Variants in PKP4 observed in about 807,000 individuals in gnomAD.
PKP4 encodes plakophilin-4.
In PKP4, 90 loss-of-function variants were observed where a neutral mutation model predicts 145.1. That is an observed-to-expected ratio of 0.62 (90% CI 0.52 to 0.74). The LOEUF (loss-of-function observed/expected upper bound fraction) is 0.74, where lower values mean the gene tolerates loss of function less well. Among genes scored for constraint, PKP4 ranks in the 30% least tolerant of loss-of-function variants. The pLI, the probability that PKP4 is intolerant of heterozygous loss-of-function variation, is 0.00. For missense variants in PKP4, 1,340 were observed against 1,482.7 expected, an observed-to-expected ratio of 0.90 and a Z score of 1.58; for synonymous variants, 563 against 577.2, an observed-to-expected ratio of 0.98 and a Z score of 0.35.
chr2:158,680,272 A>G (rs2058352414), intron 21 of PKP4, among the ~76,000 whole-genome samples, 157 bp from the exon 22 acceptor site: 1 of 152,252 alleles, frequency 6.6e-6, no homozygotes, highest in African/African-American at 2.4e-5. Context: ...GTCCAATAGT[A>G]AACGCATAGT....
chr2:158,543,694 A>C (rs1370026311), intron 2 of PKP4, among the ~76,000 whole-genome samples: 1 of 152,234 alleles, frequency 6.6e-6, no homozygotes, highest in Non-Finnish European at 1.5e-5. Flanking sequence ...CTCTTTACTC[A>C]AAGATGAGAG....
chr2:158,502,888 A>G (rs1252618331), intron 1 of PKP4, among the ~76,000 whole-genome samples: 2 of 152,268 alleles, frequency 1.3e-5, no homozygotes, highest in Non-Finnish European at 2.9e-5. Context: ...TCTCTGTTTT[A>G]AAATAAACTT....
intron 2 of PKP4, among the ~76,000 whole-genome samples, chr2:158,564,147 T>C (rs2046774941): frequency 6.6e-6 from 1 of 151,834 alleles, no homozygotes; most frequent in Non-Finnish European, 1.5e-5. Flanking sequence ...TAATGTAATA[T>C]AAAAGTATAA....
chr2:158,622,692 T>C (rs1314975909), intron 6 of PKP4, among the ~76,000 whole-genome samples: 2 of 152,084 alleles, frequency 1.3e-5, no homozygotes, highest in African/African-American at 4.8e-5. Flanking sequence ...AACACAAATA[T>C]AACATATGAA....
At chr2:158,512,708 T>C (rs2041621250) in intron 1 of PKP4, among the ~76,000 whole-genome samples, 1 of 152,218 alleles carries the variant, frequency 6.6e-6, no homozygotes, top group Non-Finnish European at 1.5e-5. Context: ...GCTAGCTTAT[T>C]GTCTGTGGAG....
intron 2 of PKP4, among the ~76,000 whole-genome samples, chr2:158,550,038 A>T (rs995117429): frequency 6.5e-5 from 7 of 108,122 alleles, no homozygotes; most frequent in Non-Finnish European, 1.8e-4. Context: ...CACAGACGGA[A>T]GATCAAAATC....
At chr2:158,533,657 A>C in intron 2 of PKP4, 1 of 365,214 alleles carries the variant, frequency 2.7e-6, no homozygotes, top group South Asian at 2.2e-5. Flanking sequence ...GACTCTGGCA[A>C]CCTGAGGCCT....
chr2:158,473,183 AAAG>A (rs1691872118), intron 1 of PKP4, among the ~76,000 whole-genome samples: 1 of 152,234 alleles, frequency 6.6e-6, no homozygotes, highest in Admixed American at 6.5e-5. Flanking sequence ...GTTGCAGAAA[AAAG>A]AGAACACTTA....
chr2:158,474,189 C>G (rs947847448), intron 1 of PKP4, among the ~76,000 whole-genome samples: 2 of 152,174 alleles, frequency 1.3e-5, no homozygotes, highest in African/African-American at 2.4e-5. Flanking sequence ...TTTGCTGCCC[C>G]TAGAGGTCTG....
chr2:158,649,855 T>C (rs1036418802), intron 11 of PKP4, among the ~76,000 whole-genome samples: 1 of 152,216 alleles, frequency 6.6e-6, no homozygotes, highest in Non-Finnish European at 1.5e-5. Flanking sequence ...CTGCAAATGC[T>C]TTGCAGTTTC....
At chr2:158,568,801 C>A (rs2047198800) in intron 2 of PKP4, among the ~76,000 whole-genome samples, 1 of 152,040 alleles carries the variant, frequency 6.6e-6, no homozygotes, top group Admixed American at 6.6e-5. Flanking sequence ...TAGTGAAACC[C>A]CATCTCTACT....
At chr2:158,490,261 G>A (rs1426038734) in intron 1 of PKP4, among the ~76,000 whole-genome samples, 1 of 151,160 alleles carries the variant, frequency 6.6e-6, no homozygotes, top group Non-Finnish European at 1.5e-5. Context: ...TGAACGTGTC[G>A]ATGCAAGAGG....
intron 7 of PKP4, among the ~76,000 whole-genome samples, chr2:158,631,095 G>C (rs376943229): frequency 6.6e-6 from 1 of 151,784 alleles, no homozygotes; most frequent in Non-Finnish European, 1.5e-5. Flanking sequence ...CCGCCACCAC[G>C]CCCGGCTAAT....
chr2:158,585,474 T>C (rs1298156093), intron 3 of PKP4, among the ~76,000 whole-genome samples: 1 of 152,196 alleles, frequency 6.6e-6, no homozygotes, highest in Non-Finnish European at 1.5e-5. Context: ...TCGATTGATA[T>C]TACTAAAAAT....
intron 1 of PKP4, among the ~76,000 whole-genome samples, chr2:158,522,661 C>T (rs1411144549): frequency 6.6e-6 from 1 of 152,226 alleles, no homozygotes; most frequent in African/African-American, 2.4e-5. Flanking sequence ...CTCCGGTCTA[C>T]AGCTCCCAGC....
intron 11 of PKP4, 136 bp from the exon 12 acceptor site, chr2:158,657,995 C>T: frequency 1.6e-6 from 1 of 620,702 alleles, no homozygotes; most frequent in East Asian, 2.8e-5. Flanking sequence ...GGTCTATTCC[C>T]ACCCTGGTTG....
intron 11 of PKP4, among the ~76,000 whole-genome samples, chr2:158,655,014 T>TA (rs951707832): frequency 1.3e-5 from 2 of 152,092 alleles, no homozygotes; most frequent in South Asian, 2.1e-4. Context: ...CATCTTTTTT[T>TA]AAAAAAAAAT....
chr2:158,566,479 A>AATATATATATATATATAT (rs561964313), intron 2 of PKP4, among the ~76,000 whole-genome samples: 112 of 151,240 alleles, frequency 7.4e-4, no homozygotes, highest in East Asian at 4.1e-3. Context: ...ATAATTTTGA[A>AATATATATATATATATAT]ATATATATAT....
chr2:158,476,900 C>G (rs1012345901), intron 1 of PKP4, among the ~76,000 whole-genome samples: 1 of 151,998 alleles, frequency 6.6e-6, no homozygotes, highest in Non-Finnish European at 1.5e-5. Context: ...ATGTACATAT[C>G]TAAAAGAATT....
Sources: allele counts gnomAD v4.1 joint callset (sites outside exome capture counted in the v4.1 genomes callset), GRCh38; gene constraint gnomAD v4.1.1; transcripts MANE v1.5; gene names NCBI Gene and HGNC (gene_info 2026-07-23, HGNC 2026-07-21).